The following SNRK variants were observed in gnomAD, a reference collection of about 807,000 sequenced individuals.
The protein encoded by SNRK is SNF related kinase, also known as SNF-related serine/threonine-protein kinase.
Under a neutral mutation model 48.2 loss-of-function variants are expected in SNRK, and 3 were observed. The observed-to-expected ratio is 0.06, with a 90% CI of 0.03 to 0.16. The LOEUF (loss-of-function observed/expected upper bound fraction) is 0.16. SNRK is among the 10% of genes least tolerant of loss of function. The probability of loss-of-function intolerance (pLI) is 1.00; values close to 1 mark genes in which losing one functional copy is unlikely to be tolerated. For synonymous variants in SNRK, 376 were observed against 366.1 expected, an observed-to-expected ratio of 1.03 and a Z score of -0.31; for missense variants, 627 against 976.0, an observed-to-expected ratio of 0.64 and a Z score of 4.76.
intron 3 of SNRK, among the ~76,000 whole-genome samples, chr3:43,309,995 C>T (rs934495945): frequency 1.3e-5 from 2 of 151,916 alleles, no homozygotes; most frequent in African/African-American, 2.4e-5. Flanking sequence ...TAATAGACTA[C>T]GGTATAGTAT....
rs912259998 is a variant in SNRK at position 43,347,336 on chromosome 3, T to C, written c.1080-3T>C. ...TTTTCCCCCCAATCTATCTGTTACA[T>C]AGGCAGTCATGGCCAACCAAAATTG... On this transcript the variant is annotated splice_region_variant and splice_polypyrimidine_tract_variant and intron_variant, in intron 6 of 6. Coordinates refer to ENST00000296088, the MANE Select transcript of SNRK (RefSeq NM_017719.5). The surrounding 1 kb of genome is among the most constrained non-coding windows in gnomAD (Gnocchi z 5.4). 4.5e-6 allele frequency: 7 copies of C among 1,554,106 alleles called. No homozygotes were observed. Among genetic ancestry groups the C allele is most frequent in the Non-Finnish European group, 5.2e-6 (6 of 1,150,888 alleles).
chr3:43,293,461 C>A (rs2090828915), intron 1 of SNRK, among the ~76,000 whole-genome samples: 2 of 152,124 alleles, frequency 1.3e-5, no homozygotes, highest in South Asian at 4.1e-4. Flanking sequence ...ATTGAGTAGT[C>A]TCTGCCTTTC....
intron 3 of SNRK, among the ~76,000 whole-genome samples, chr3:43,308,823 G>T (rs890660557): frequency 2.6e-5 from 4 of 152,188 alleles, no homozygotes; most frequent in African/African-American, 9.7e-5. Flanking sequence ...AATGCATCTT[G>T]TAAGGCTATG....
chr3:43,324,508 CAA>C (rs11299310), intron 3 of SNRK, among the ~76,000 whole-genome samples: 2,354 of 96,432 alleles, frequency 0.024, 59 homozygotes, highest in African/African-American at 0.073. Flanking sequence ...GACTCTGTCT[CAA>C]AAAAAAAAAA....
intron 5 of SNRK, among the ~76,000 whole-genome samples, chr3:43,343,026 C>G (rs147773021): frequency 9.7e-5 from 13 of 134,396 alleles, no homozygotes; most frequent in African/African-American, 3.7e-4. Context: ...CACACAAATT[C>G]AAATTTTGAA....
At chr3:43,326,469 C>G (rs925816392) in intron 3 of SNRK, among the ~76,000 whole-genome samples, 2 of 148,188 alleles carry the variant, frequency 1.3e-5, no homozygotes, top group Admixed American at 1.3e-4. Flanking sequence ...CAACAGAAGG[C>G]CCTATTCTGT....
intron 3 of SNRK, among the ~76,000 whole-genome samples, chr3:43,324,370 C>T (rs2091078822): frequency 6.6e-6 from 1 of 152,060 alleles, no homozygotes. Flanking sequence ...TTAGCCAGGC[C>T]TGGTGGCACA....
At chr3:43,340,561 C>A in intron 5 of SNRK, 62 bp downstream of exon 5, 2 of 1,409,014 alleles carry the variant, frequency 1.4e-6, no homozygotes, top group Non-Finnish European at 2.0e-6. Flanking sequence ...TGGGCTCTCT[C>A]TACTTAACAC....
At chr3:43,337,993 C>G (rs886387815) in intron 4 of SNRK, among the ~76,000 whole-genome samples, 1 of 152,132 alleles carries the variant, frequency 6.6e-6, no homozygotes, top group Non-Finnish European at 1.5e-5. Flanking sequence ...CAAGCAGTCC[C>G]TCCGCCTCAG....
chr3:43,303,148 TATATG>T lies in SNRK; in HGVS notation c.-54_-50del. The T allele has an allele frequency of 7.9e-7, 1 of 1,270,516 alleles. No individual in the cohort carries two copies. The highest frequency in any genetic ancestry group is 1.1e-6 in the Non-Finnish European group (1 of 904,380). The allele number at this position is 1,270,516 out of a possible 1,614,324, so 78.7% of individuals were successfully genotyped here. ...ATTTTTTGTATTCACCAGATATTCTTATATGAGAAGATCTATTTTAAACAGTCTAA... is the reference window on the plus strand; with the variant it reads ...ATTTTTTGTATTCACCAGATATTCTTAGAAGATCTATTTTAAACAGTCTAA... On this transcript the variant is annotated 5_prime_UTR_variant, in exon 3 of 7. It removes an upstream start codon present in the reference 5' UTR. Coordinates refer to ENST00000296088, the MANE Select transcript of SNRK (RefSeq NM_017719.5). The surrounding 1 kb of genome is among the most constrained non-coding windows in gnomAD (Gnocchi z 6.2).
At position 43,301,327 on chromosome 3, in the gene SNRK, T is replaced by C. The variant is rs559326388; in HGVS notation, c.-107+1512T>C. ...TATTTTAACTCTAAAAATAATATTA[T>C]CCTAAATGGGGCATTGATTAGAGTG... is the stretch of plus-strand genomic sequence containing the variant. On this transcript the variant is annotated intron_variant, in intron 2 of 6. Transcript: ENST00000296088. 7.9e-5 allele frequency among the ~76,000 whole-genome samples: 12 copies of C among 152,340 alleles called. No homozygotes were observed. In the East Asian group the frequency reaches 2.1e-3, roughly 27 times the overall value.
At chr3:43,322,946 C>T (rs373296981) in intron 3 of SNRK, among the ~76,000 whole-genome samples, 855 of 3,636 alleles carry the variant, frequency 0.24, 9 homozygotes, top group Non-Finnish European at 0.46. Flanking sequence ...AGTAAGACTC[C>T]GTCTCAAAAA....
chr3:43,312,306 C>G (rs1559462951), intron 3 of SNRK, among the ~76,000 whole-genome samples: 1 of 152,204 alleles, frequency 6.6e-6, no homozygotes, highest in East Asian at 1.9e-4. Context: ...TATATACACT[C>G]TCTACAACAT....
chr3:43,288,893 A>G (rs2090787754), intron 1 of SNRK, among the ~76,000 whole-genome samples: 1 of 152,250 alleles, frequency 6.6e-6, no homozygotes, highest in African/African-American at 2.4e-5. Context: ...GTGTGTATCT[A>G]TGTGCAGGTA....
chr3:43,340,518 G>C lies in SNRK; in HGVS notation c.944+19G>C. ...TTGTAGAGTACGTCAATGCCCGTCA[G>C]TACAGAGGGCCACAGGTTTAGGATT... On this transcript the variant is annotated intron_variant, in intron 5 of 6. Transcript: ENST00000296088. 1 of 1,604,746 alleles carries C rather than the reference G, an allele frequency of 6.2e-7. No individual in the cohort carries two copies. The highest frequency in any genetic ancestry group is 8.5e-7 in the Non-Finnish European group (1 of 1,172,034).
chr3:43,313,694 C>T (rs2090995189), intron 3 of SNRK, among the ~76,000 whole-genome samples: 1 of 152,144 alleles, frequency 6.6e-6, no homozygotes. Context: ...ATGATGAAAT[C>T]TGAATAAGCT....
chr3:43,320,010 G>C (rs951570691), intron 3 of SNRK, among the ~76,000 whole-genome samples: 1 of 152,168 alleles, frequency 6.6e-6, no homozygotes, highest in Non-Finnish European at 1.5e-5. Flanking sequence ...AAGTGGACCC[G>C]CAACTATTTG....
At chr3:43,332,974 T>C (rs2091158134) in intron 4 of SNRK, 1 of 152,146 alleles carries the variant, frequency 6.6e-6, no homozygotes, top group Non-Finnish European at 1.5e-5. Flanking sequence ...TTTAATGAGC[T>C]CAGCTGAGAT....
intron 4 of SNRK, among the ~76,000 whole-genome samples, chr3:43,336,151 G>C (rs573458978): frequency 6.6e-6 from 1 of 150,968 alleles, no homozygotes; most frequent in Non-Finnish European, 1.5e-5. Flanking sequence ...CTTTGGAGTT[G>C]ATGGAGGATT....
Sources: allele counts gnomAD v4.1 joint callset (sites outside exome capture counted in the v4.1 genomes callset), GRCh38; gene constraint gnomAD v4.1.1; non-coding constraint Gnocchi (gnomAD v3.1); transcripts MANE v1.5; gene names NCBI Gene and HGNC (gene_info 2026-07-23, HGNC 2026-07-21).